Variants in HPN observed in about 807,000 individuals in gnomAD.
HPN encodes the protein hepsin.
In HPN, 13 loss-of-function variants were observed where a neutral mutation model predicts 55.9. The ratio of observed to expected loss-of-function variants is 0.23; its 90% CI spans 0.15 to 0.37. HPN has a LOEUF of 0.37. Among genes scored for constraint, HPN ranks in the 10% least tolerant of loss-of-function variants. The pLI is 1.00. For synonymous variants in HPN, 225 were observed against 240.3 expected (o/e 0.94, Z 0.59); for missense variants, 451 against 575.8 (o/e 0.78, Z 2.22).
chr19:35,047,099 A>T (rs925837480), intron 2 of HPN, among the ~76,000 whole-genome samples: 2 of 152,058 alleles, frequency 1.3e-5, no homozygotes, highest in Non-Finnish European at 2.9e-5. Context: ...AAGTGCTGGG[A>T]TTACAGGCGT....
At chr19:35,046,619 C>G (rs1464120598) in intron 2 of HPN, among the ~76,000 whole-genome samples, 2 of 152,172 alleles carry the variant, frequency 1.3e-5, no homozygotes, top group Middle Eastern at 3.2e-3. Flanking sequence ...TGCTCTGTTC[C>G]AGGTGCTGGC....
intron 4 of HPN, among the ~76,000 whole-genome samples, chr19:35,050,168 G>C (rs1047283265): frequency 6.6e-6 from 1 of 152,126 alleles, no homozygotes; most frequent in Non-Finnish European, 1.5e-5. Context: ...TGTCACCCAG[G>C]CTAGAGTGCA....
At chr19:35,053,606 G>A (rs921963120) in intron 4 of HPN, among the ~76,000 whole-genome samples, 8 of 152,314 alleles carry the variant, frequency 5.3e-5, no homozygotes, top group East Asian at 3.9e-4. Context: ...TTAGCCGGGC[G>A]TGGTGGCTGG....
At chr19:35,055,531 C>T (rs537455088) in intron 4 of HPN, among the ~76,000 whole-genome samples, 22 of 152,288 alleles carry the variant, frequency 1.4e-4, no homozygotes, top group African/African-American at 4.8e-4. Context: ...CCAAACCCCT[C>T]GGTTACCCTC....
intron 4 of HPN, among the ~76,000 whole-genome samples, chr19:35,054,810 C>A (rs1410949997): frequency 6.6e-6 from 1 of 152,076 alleles, no homozygotes; most frequent in Non-Finnish European, 1.5e-5. Context: ...GGTAGCCTAG[C>A]CCCAGGAACA....
intron 4 of HPN, 70 bp downstream of exon 4, chr19:35,049,586 A>G: frequency 7.2e-7 from 1 of 1,383,450 alleles, no homozygotes; most frequent in Non-Finnish European, 1.0e-6. Flanking sequence ...GAGCTCAACA[A>G]GCGTATTTGT....
intron 2 of HPN, among the ~76,000 whole-genome samples, chr19:35,043,940 G>T (rs2064317539): frequency 1.3e-5 from 2 of 152,224 alleles, no homozygotes; most frequent in African/African-American, 4.8e-5. Context: ...CTCCGGGCTG[G>T]TCTTGGAGGG....
At chr19:35,046,868 G>A (rs1396381283) in intron 2 of HPN, among the ~76,000 whole-genome samples, 15 of 151,756 alleles carry the variant, frequency 9.9e-5, no homozygotes, top group East Asian at 1.9e-4. Flanking sequence ...TCGCTCTGTC[G>A]CCCAAGCTGA....
chr19:35,044,486 C>A (rs1180737244), intron 2 of HPN, among the ~76,000 whole-genome samples: 1 of 152,082 alleles, frequency 6.6e-6, no homozygotes, highest in Non-Finnish European at 1.5e-5. Flanking sequence ...AGGGGTGGGA[C>A]TGTTTTGGGG....
At chr19:35,052,500 A>G (rs1252069334) in intron 4 of HPN, among the ~76,000 whole-genome samples, 1 of 136,950 alleles carries the variant, frequency 7.3e-6, no homozygotes, top group Non-Finnish European at 1.5e-5. Context: ...ACGCCACTGC[A>G]CTCCAGCCTG....
At chr19:35,065,191 A>C in intron 9 of HPN, 59 bp from the exon 10 acceptor site, 1 of 1,203,114 alleles carries the variant, frequency 8.3e-7, no homozygotes. Context: ...AGCTGGACAG[A>C]GGTTTGTACC....
intron 7 of HPN, 71 bp from the exon 8 acceptor site, chr19:35,060,276 G>A (rs750276757): frequency 6.2e-7 from 1 of 1,606,714 alleles, no homozygotes; most frequent in Non-Finnish European, 8.5e-7. Context: ...CTAGGGCAGG[G>A]CCAAGCCTGG....
At chr19:35,052,028 G>C (rs1283040859) in intron 4 of HPN, among the ~76,000 whole-genome samples, 1 of 152,158 alleles carries the variant, frequency 6.6e-6, no homozygotes, top group Non-Finnish European at 1.5e-5. Context: ...TCAGGGCCCA[G>C]TCCCTTGCTC....
In HPN at chr19:35,059,778, G is replaced by T. The variant is rs768644461; in HGVS notation, c.266G>T (p.Ser89Ile). 4 of 1,582,300 alleles carry T rather than the reference G, an allele frequency of 2.5e-6. No homozygotes were observed. Among genetic ancestry groups the T allele is most frequent in the Non-Finnish European group, 3.4e-6 (4 of 1,163,928 alleles). Residue 89 changes from serine to isoleucine, a missense_variant, in exon 5 of 13, where the codon AGC becomes ATC. Ser to Ile is a moderately radical substitution (Grantham distance 142). Coordinates refer to ENST00000672452, the MANE Select transcript of HPN (RefSeq NM_001384133.1). ...SRSNARVAGL[S>I]CEEMGFLRAL... ...TCCAACGCCAGGGTAGCCGGACTCAGCTGCGAGGAGATGGGCTTCCTCAGG... is the reference window on the plus strand; with the variant it reads ...TCCAACGCCAGGGTAGCCGGACTCATCTGCGAGGAGATGGGCTTCCTCAGG...
At chr19:35,058,342 G>A (rs2064479918) in intron 4 of HPN, among the ~76,000 whole-genome samples, 1 of 148,802 alleles carries the variant, frequency 6.7e-6, no homozygotes, top group South Asian at 2.1e-4. Context: ...ATCATGCCTG[G>A]CTAATTTTTG....
At chr19:35,052,580 C>T (rs374448723) in intron 4 of HPN, among the ~76,000 whole-genome samples, 27 of 151,636 alleles carry the variant, frequency 1.8e-4, no homozygotes, top group African/African-American at 6.3e-4. Flanking sequence ...TGCCTCTTAG[C>T]CAGCACAGTG....
chr19:35,051,858 G>A (rs1328339808), intron 4 of HPN, among the ~76,000 whole-genome samples: 1 of 152,176 alleles, frequency 6.6e-6, no homozygotes, highest in African/African-American at 2.4e-5. Flanking sequence ...GCCCGAGGCT[G>A]ACCACACATC....
chr19:35,050,508 T>C (rs1363370587), intron 4 of HPN: 17 of 1,289,222 alleles, frequency 1.3e-5, no homozygotes, highest in Non-Finnish European at 1.6e-5. Context: ...GAACAGCTCT[T>C]AGACTTATCC....
At chr19:35,043,456 T>C (rs946627507) in intron 2 of HPN, among the ~76,000 whole-genome samples, 5 of 152,188 alleles carry the variant, frequency 3.3e-5, no homozygotes, top group Admixed American at 2.0e-4. Context: ...AGTAGCACTT[T>C]CTAGCTGTGT....
Sources: allele counts gnomAD v4.1 joint callset (sites outside exome capture counted in the v4.1 genomes callset), GRCh38; gene constraint gnomAD v4.1.1; transcripts MANE v1.5; gene names NCBI Gene and HGNC (gene_info 2026-07-23, HGNC 2026-07-21).